POU6F2: variants seen among roughly 807,000 people sequenced by gnomAD.
POU6F2 encodes POU class 6 homeobox 2.
In POU6F2, 31 loss-of-function variants were observed where a neutral mutation model predicts 71.3. The ratio of observed to expected loss-of-function variants is 0.43; its 90% CI spans 0.33 to 0.59. POU6F2 has a LOEUF of 0.59. Ranked by LOEUF, POU6F2 falls within the 20% of genes least tolerant of loss-of-function variation. POU6F2 has a pLI of 0.04. For missense variants in POU6F2, 783 were observed against 856.8 expected (o/e 0.91, Z 1.07); for synonymous variants, 347 against 355.7 (o/e 0.98, Z 0.27).
At chr7:39,280,111 A>G (rs1448100735) in intron 4 of POU6F2, among the ~76,000 whole-genome samples, 1 of 151,980 alleles carries the variant, frequency 6.6e-6, no homozygotes, top group African/African-American at 2.4e-5. Flanking sequence ...CCTTATTTTA[A>G]TGTGATTATC....
chr7:39,260,551 C>CCACATTCCACACACATAA (rs2128754399), intron 4 of POU6F2, among the ~76,000 whole-genome samples: 1 of 138,284 alleles, frequency 7.2e-6, no homozygotes, highest in African/African-American at 2.7e-5. Flanking sequence ...TCCACACACA[C>CCACATTCCACACACATAA]CACATTCCAC....
chr7:39,457,752 G>A (rs913729923), intron 8 of POU6F2, among the ~76,000 whole-genome samples: 1 of 152,272 alleles, frequency 6.6e-6, no homozygotes, highest in South Asian at 2.1e-4. Context: ...GAAAATCACA[G>A]TCCTAAAAGT....
chr7:39,028,677 T>G (rs933168012), intron 1 of POU6F2, among the ~76,000 whole-genome samples: 2 of 152,194 alleles, frequency 1.3e-5, no homozygotes, highest in Non-Finnish European at 2.9e-5. Context: ...TCATGATATA[T>G]CTTCTCATTT....
At chr7:39,150,712 C>G (rs141577427) in intron 2 of POU6F2, among the ~76,000 whole-genome samples, 1 of 152,146 alleles carries the variant, frequency 6.6e-6, no homozygotes, top group East Asian at 1.9e-4. Context: ...AGGTGATCTG[C>G]CTGCCTCACC....
intron 2 of POU6F2, among the ~76,000 whole-genome samples, chr7:39,152,370 G>A (rs1013231792): frequency 5.3e-5 from 8 of 152,030 alleles, no homozygotes; most frequent in Non-Finnish European, 8.8e-5. Flanking sequence ...TGTCCCCAAA[G>A]GTTCCTGCTT....
intron 4 of POU6F2, among the ~76,000 whole-genome samples, chr7:39,285,234 A>G (rs1784631588): frequency 6.6e-6 from 1 of 152,184 alleles, no homozygotes; most frequent in East Asian, 1.9e-4. Context: ...CACCTGTAAT[A>G]TACCCCCTCA....
At chr7:39,249,197 C>T (rs2128752528) in intron 4 of POU6F2, among the ~76,000 whole-genome samples, 1 of 152,328 alleles carries the variant, frequency 6.6e-6, no homozygotes, top group South Asian at 2.1e-4. Context: ...AATGTGCTGT[C>T]ACAACAATCT....
rs796689779 is a variant in POU6F2 at position 39,379,768 on chromosome 7, A to G, written c.973-26832A>G. On this transcript the variant is annotated intron_variant, in intron 5 of 9. Transcript: ENST00000518318. ...ATCCTGCCTTGCCCTCCTATCACCAACACCAACTCCCCTGGTTTTCAGAGA... is the reference window on the plus strand; with the variant it reads ...ATCCTGCCTTGCCCTCCTATCACCAGCACCAACTCCCCTGGTTTTCAGAGA... 6.0e-4 allele frequency among the ~76,000 whole-genome samples: 91 copies of G among 152,220 alleles called. 1 individual carries two copies. The highest frequency in any genetic ancestry group is 2.1e-3 in the African/African-American group (86 of 41,530).
chr7:39,086,965 G>GCA (rs1350054042), intron 2 of POU6F2, among the ~76,000 whole-genome samples: 1 of 151,118 alleles, frequency 6.6e-6, no homozygotes, highest in Non-Finnish European at 1.5e-5. Flanking sequence ...GCGTGTGTGT[G>GCA]CACACACACA....
intron 1 of POU6F2, among the ~76,000 whole-genome samples, chr7:38,982,608 T>C (rs1192262841): frequency 2.0e-5 from 3 of 152,136 alleles, no homozygotes; most frequent in Non-Finnish European, 4.4e-5. Flanking sequence ...ATTTAAATGG[T>C]AAAGTCAATT....
At chr7:39,445,056 G>A (rs1333879117) in intron 7 of POU6F2, among the ~76,000 whole-genome samples, 3 of 152,130 alleles carry the variant, frequency 2.0e-5, no homozygotes, top group Non-Finnish European at 4.4e-5. Flanking sequence ...GGTAATCTTG[G>A]TACTAACAGA....
intron 5 of POU6F2, among the ~76,000 whole-genome samples, chr7:39,405,809 A>G (rs1473352271): frequency 6.6e-6 from 1 of 151,878 alleles, no homozygotes; most frequent in East Asian, 1.9e-4. Flanking sequence ...GGCAGCCATA[A>G]CCTCCTCCCC....
chr7:39,358,421 A>G (rs1786303832), intron 5 of POU6F2, among the ~76,000 whole-genome samples: 1 of 152,196 alleles, frequency 6.6e-6, no homozygotes, highest in Non-Finnish European at 1.5e-5. Flanking sequence ...GATGTATTTA[A>G]AATTCCTCAT....
intron 1 of POU6F2, among the ~76,000 whole-genome samples, chr7:39,049,660 C>T (rs746239138): frequency 3.3e-5 from 5 of 151,968 alleles, no homozygotes; most frequent in Non-Finnish European, 7.4e-5. Context: ...CTTAATTCTG[C>T]TCTGTTATAT....
chr7:39,339,351 A>G (rs1785857989), intron 4 of POU6F2, among the ~76,000 whole-genome samples: 1 of 152,212 alleles, frequency 6.6e-6, no homozygotes, highest in African/African-American at 2.4e-5. Flanking sequence ...AAAGTAGTTA[A>G]AAAACAATCT....
At chr7:39,020,216 G>T (rs1259332100) in intron 1 of POU6F2, among the ~76,000 whole-genome samples, 1 of 152,124 alleles carries the variant, frequency 6.6e-6, no homozygotes, top group Non-Finnish European at 1.5e-5. Context: ...CCTCAGGCAG[G>T]CCCTGATAAA....
chr7:39,438,405 T>C (rs753233907), intron 7 of POU6F2, among the ~76,000 whole-genome samples: 3 of 152,212 alleles, frequency 2.0e-5, no homozygotes, highest in Non-Finnish European at 4.4e-5. Context: ...GCAATAAACA[T>C]ACATGTGCAT....
chr7:39,201,103 T>C (rs1012111606), intron 2 of POU6F2, among the ~76,000 whole-genome samples: 5 of 152,162 alleles, frequency 3.3e-5, no homozygotes, highest in Non-Finnish European at 5.9e-5. Flanking sequence ...ATGGCAAGCA[T>C]GCGCTGTTTC....
chr7:39,083,445 C>T (rs946266897), intron 1 of POU6F2: 2 of 152,028 alleles, frequency 1.3e-5, no homozygotes, highest in East Asian at 1.9e-4. Context: ...CATCACATGA[C>T]GAGTATACTT....
Sources: allele counts gnomAD v4.1 joint callset (sites outside exome capture counted in the v4.1 genomes callset), GRCh38; gene constraint gnomAD v4.1.1; transcripts MANE v1.5; gene names NCBI Gene and HGNC (gene_info 2026-07-23, HGNC 2026-07-21).